CTNND2: variants seen among roughly 807,000 people sequenced by gnomAD.
The protein encoded by CTNND2 is catenin delta-2.
CTNND2 carries 22 observed loss-of-function variants against 144.4 expected under a neutral mutation model. The ratio of observed to expected loss-of-function variants is 0.15; its 90% confidence interval spans 0.11 to 0.22. CTNND2 has a LOEUF of 0.22. Ranked by LOEUF, CTNND2 falls within the 10% of genes least tolerant of loss-of-function variation. The pLI is 1.00. For synonymous variants in CTNND2, 751 were observed against 695.6 expected, an observed-to-expected ratio of 1.08 and a Z score of -1.25; for missense variants, 1,353 against 1,618.8, an observed-to-expected ratio of 0.84 and a Z score of 2.82.
At chr5:11,456,261 G>A (rs1765723816) in intron 3 of CTNND2, among the ~76,000 whole-genome samples, 1 of 151,934 alleles carries the variant, frequency 6.6e-6, no homozygotes, top group East Asian at 1.9e-4. Flanking sequence ...CTGCGTCAAG[G>A]AGACAATGTT....
At chr5:11,718,995 T>A (rs1786512183) in intron 2 of CTNND2, among the ~76,000 whole-genome samples, 1 of 152,192 alleles carries the variant, frequency 6.6e-6, no homozygotes, top group Admixed American at 6.5e-5. Flanking sequence ...GGAGCACAGA[T>A]TTCCATGGGC....
At chr5:11,529,007 T>C (rs938036916) in intron 3 of CTNND2, among the ~76,000 whole-genome samples, 1 of 152,116 alleles carries the variant, frequency 6.6e-6, no homozygotes, top group Non-Finnish European at 1.5e-5. Flanking sequence ...TGAAAATATG[T>C]GGGAAGGGAA....
chr5:11,552,315 G>A (rs1001505180), intron 3 of CTNND2, among the ~76,000 whole-genome samples: 1 of 152,096 alleles, frequency 6.6e-6, no homozygotes, highest in African/African-American at 2.4e-5. Context: ...CAGACCATAT[G>A]AGGCAACTTA....
chr5:11,651,771 G>A (rs2126538151), intron 2 of CTNND2, among the ~76,000 whole-genome samples: 2 of 152,334 alleles, frequency 1.3e-5, no homozygotes, highest in South Asian at 4.1e-4. Context: ...CTTGCATGAG[G>A]CCTGTAGCCT....
chr5:11,829,488 C>T (rs901596153), intron 1 of CTNND2, among the ~76,000 whole-genome samples: 4 of 152,184 alleles, frequency 2.6e-5, no homozygotes, highest in Non-Finnish European at 5.9e-5. Flanking sequence ...AAGGAGCCAA[C>T]GTAAAGCTCA....
intron 1 of CTNND2, among the ~76,000 whole-genome samples, chr5:11,862,177 G>A (rs1329208584): frequency 6.6e-6 from 1 of 152,040 alleles, no homozygotes; most frequent in African/African-American, 2.4e-5. Flanking sequence ...TCTAAATATG[G>A]ACCAATTGTT....
chr5:11,648,922 T>C (rs562785719), intron 2 of CTNND2, among the ~76,000 whole-genome samples: 23 of 152,384 alleles, frequency 1.5e-4, no homozygotes, highest in Non-Finnish European at 2.4e-4. Flanking sequence ...ATTTACTTTA[T>C]TGTTGAACTT....
chr5:11,243,040 ATG>A (rs1742622422), intron 9 of CTNND2, among the ~76,000 whole-genome samples: 2 of 152,338 alleles, frequency 1.3e-5, no homozygotes, highest in African/African-American at 4.8e-5. Flanking sequence ...CTTAAAATCT[ATG>A]TAATACCGCT....
intron 1 of CTNND2, among the ~76,000 whole-genome samples, chr5:11,881,852 C>G (rs554681929): frequency 1.6e-4 from 24 of 152,156 alleles, no homozygotes; most frequent in African/African-American, 5.1e-4. Flanking sequence ...TTTCCACCGA[C>G]AGTGTAAAAG....
chr5:11,057,601 A>C (rs1014571379), intron 16 of CTNND2, among the ~76,000 whole-genome samples: 4 of 152,328 alleles, frequency 2.6e-5, no homozygotes, highest in African/African-American at 9.6e-5. Flanking sequence ...TGTCTTTATC[A>C]GCAGTGAGAA....
At chr5:10,981,996 A>G (rs1737340119) in intron 20 of CTNND2, 150 bp from the exon 21 acceptor site, 4 of 622,002 alleles carry the variant, frequency 6.4e-6, no homozygotes, top group Non-Finnish European at 2.8e-6. Flanking sequence ...TGAACACTTC[A>G]TTTTACATAC....
Position 10,973,282 on chromosome 5 carries a change from T to G in CTNND2, c.*171A>C. 1.5e-6 allele frequency: 1 copy of G among 663,928 alleles called. No homozygotes were observed. Among genetic ancestry groups the G allele is most frequent in the Non-Finnish European group, 2.3e-6 (1 of 431,228 alleles). The allele number at this position is 663,928 out of a possible 1,614,324, so 41.1% of individuals were successfully genotyped here. On this transcript the variant is annotated 3_prime_UTR_variant, in exon 22 of 22. Coordinates refer to ENST00000304623, the MANE Select transcript of CTNND2 (RefSeq NM_001332.4). The surrounding 1 kb of genome is among the most constrained non-coding windows in gnomAD (Gnocchi z 5.6). ...TACTGATTTCCAAGTTAACTTGCGA[T>G]TCATTTAGCTTTCTAAAATAGCTCT...
rs140428245 is a variant in CTNND2, at chr5:11,258,446, G to A, written c.1629-21623C>T. Among the ~76,000 whole-genome samples the A allele has an allele frequency of 2.0e-4, 30 of 152,304 alleles. 1 individual carries two copies. Among genetic ancestry groups the A allele is most frequent in the Admixed American group, 7.8e-4 (12 of 15,292 alleles). ...CAAGCTTATGCTCAGGCACCAATCC[G>A]TTCAGTGAATTTTTCAGGGTCACAC... On this transcript the variant is annotated intron_variant, in intron 9 of 21. Coordinates refer to ENST00000304623, the MANE Select transcript of CTNND2 (RefSeq NM_001332.4).
intron 5 of CTNND2, among the ~76,000 whole-genome samples, chr5:11,400,945 T>C (rs965233238): frequency 6.6e-6 from 1 of 152,230 alleles, no homozygotes; most frequent in African/African-American, 2.4e-5. Context: ...CATATATACA[T>C]GTCAGCAGTT....
At chr5:11,453,940 T>C (rs1420585365) in intron 3 of CTNND2, among the ~76,000 whole-genome samples, 1 of 152,194 alleles carries the variant, frequency 6.6e-6, no homozygotes, top group East Asian at 1.9e-4. Flanking sequence ...CTCATTCTCT[T>C]ATGGAGTGTT....
intron 12 of CTNND2, among the ~76,000 whole-genome samples, chr5:11,127,787 A>G (rs531770053): frequency 2.0e-4 from 30 of 152,320 alleles, no homozygotes; most frequent in Non-Finnish European, 3.2e-4. Flanking sequence ...CAGATTACTC[A>G]TCCAGCTCGG....
intron 3 of CTNND2, among the ~76,000 whole-genome samples, chr5:11,530,934 C>T (rs1773695435): frequency 6.6e-6 from 1 of 152,148 alleles, no homozygotes; most frequent in South Asian, 2.1e-4. Context: ...CAAAAAGCAG[C>T]ACTCTGTTTA....
chr5:11,896,018 A>G (rs1737368901), intron 1 of CTNND2, among the ~76,000 whole-genome samples: 1 of 152,150 alleles, frequency 6.6e-6, no homozygotes, highest in Non-Finnish European at 1.5e-5. Flanking sequence ...AAATTATATA[A>G]TCTTCCTGGA....
At chr5:10,995,452 C>T (rs913998196) in intron 18 of CTNND2, among the ~76,000 whole-genome samples, 5 of 152,098 alleles carry the variant, frequency 3.3e-5, no homozygotes, top group African/African-American at 9.7e-5. Flanking sequence ...GTCCTCGTGA[C>T]GGGGACAAAA....
Sources: allele counts gnomAD v4.1 joint callset (sites outside exome capture counted in the v4.1 genomes callset), GRCh38; gene constraint gnomAD v4.1.1; non-coding constraint Gnocchi (gnomAD v3.1); transcripts MANE v1.5; gene names NCBI Gene and HGNC (gene_info 2026-07-23, HGNC 2026-07-21).